The following COMMD1 variants were observed in gnomAD, a reference collection of about 807,000 sequenced individuals.
COMMD1 encodes the protein copper metabolism domain containing 1, also known as COMM domain-containing protein 1.
A neutral mutation model predicts 17.2 loss-of-function variants in COMMD1; 10 were observed. The ratio of observed to expected loss-of-function variants is 0.58; its 90% confidence interval spans 0.36 to 0.99. The LOEUF (loss-of-function observed/expected upper bound fraction) is 0.99, where lower values mean the gene tolerates loss of function less well. Among genes scored for constraint, COMMD1 ranks in the 50% least tolerant of loss-of-function variants. The probability of loss-of-function intolerance (pLI) is 0.01; values close to 1 mark genes in which losing one functional copy is unlikely to be tolerated. For synonymous variants in COMMD1, 97 were observed against 91.6 expected (o/e 1.06, Z -0.34); for missense variants, 270 against 231.8 (o/e 1.17, Z -1.07).
At chr2:61,972,818 T>G (rs904767425) in intron 1 of COMMD1, among the ~76,000 whole-genome samples, 7 of 152,120 alleles carry the variant, frequency 4.6e-5, no homozygotes, top group Non-Finnish European at 1.0e-4. Flanking sequence ...ATTTTTCATC[T>G]TATAAAATTT....
At chr2:62,036,866 T>C (rs1670053991) in intron 2 of COMMD1, among the ~76,000 whole-genome samples, 1 of 152,238 alleles carries the variant, frequency 6.6e-6, no homozygotes, top group Admixed American at 6.5e-5. Context: ...GCTCATACTC[T>C]TGTGGTAGGA....
At chr2:61,891,977 G>A (rs1239366682) in intron 1 of COMMD1, among the ~76,000 whole-genome samples, 1 of 150,918 alleles carries the variant, frequency 6.6e-6, no homozygotes, top group African/African-American at 2.4e-5. Flanking sequence ...GACTACAGGC[G>A]CCCACCACCA....
intron 2 of COMMD1, among the ~76,000 whole-genome samples, chr2:62,086,963 A>T (rs546883755): frequency 6.6e-6 from 1 of 151,814 alleles, no homozygotes; most frequent in African/African-American, 2.4e-5. Flanking sequence ...AGCTGGGATT[A>T]CAAGCATGTG....
chr2:61,917,353 G>A (rs1297224775), intron 1 of COMMD1, among the ~76,000 whole-genome samples: 3 of 146,494 alleles, frequency 2.0e-5, no homozygotes. Flanking sequence ...CCAGACTCCA[G>A]TTTAAAAAAA....
chr2:62,050,527 T>A (rs1670506528), intron 2 of COMMD1, among the ~76,000 whole-genome samples: 1 of 152,212 alleles, frequency 6.6e-6, no homozygotes, highest in Non-Finnish European at 1.5e-5. Context: ...AACATTCTCC[T>A]TTATAGTTTT....
chr2:62,001,032 CAT>C, intron 2 of COMMD1, 50 bp downstream of exon 2: 3 of 1,534,546 alleles, frequency 2.0e-6, no homozygotes, highest in Non-Finnish European at 2.7e-6. Context: ...TTTTTCACTA[CAT>C]GTTAGCTTGT....
At chr2:62,030,619 A>G (rs187113031) in intron 2 of COMMD1, among the ~76,000 whole-genome samples, 11 of 152,318 alleles carry the variant, frequency 7.2e-5, no homozygotes, top group African/African-American at 2.6e-4. Context: ...TTTCTTGGAA[A>G]GAATTCTTCA....
intron 2 of COMMD1, among the ~76,000 whole-genome samples, chr2:62,054,353 C>T (rs564262980): frequency 2.0e-5 from 3 of 152,190 alleles, no homozygotes; most frequent in African/African-American, 7.2e-5. Flanking sequence ...GGTATCTAAC[C>T]GCCAGAAAAG....
intron 2 of COMMD1, among the ~76,000 whole-genome samples, chr2:62,105,917 A>C (rs996374420): frequency 6.6e-6 from 1 of 152,232 alleles, no homozygotes; most frequent in African/African-American, 2.4e-5. Flanking sequence ...ACAATTCAAC[A>C]TGAGATTTGG....
chr2:62,021,018 A>C (rs1056545760), intron 2 of COMMD1, among the ~76,000 whole-genome samples: 2 of 151,682 alleles, frequency 1.3e-5, no homozygotes, highest in Admixed American at 1.3e-4. Context: ...AAAAAAAAAA[A>C]CTCTACTCTT....
intron 2 of COMMD1, among the ~76,000 whole-genome samples, chr2:62,072,381 C>A (rs1671221025): frequency 6.6e-6 from 1 of 152,100 alleles, no homozygotes; most frequent in Non-Finnish European, 1.5e-5. Flanking sequence ...CCATTCTGAG[C>A]CCATAAAAAC....
In COMMD1 at chr2:62,123,534, CAGGA is replaced by C. The variant is rs200053788; in HGVS notation, c.463-12279_463-12276del. On this transcript the variant is annotated intron_variant, in intron 2 of 2. Transcript: ENST00000311832. ...AATTAAAAAAAAAGAAAAAAAAAAA[CAGGA>C]AGGAAGGAAGGAAGGAAAGAAGGAA... Among the ~76,000 whole-genome samples the C allele has an allele frequency of 1.8e-3, 243 of 137,296 alleles. 2 individuals are homozygous for C. Among genetic ancestry groups the C allele is most frequent in the African/African-American group, 1.8e-3 (62 of 35,286 alleles). 90.1% of individuals were successfully genotyped at this position (137,296 alleles called of 152,430 possible).
intron 1 of COMMD1, among the ~76,000 whole-genome samples, chr2:61,894,210 C>T (rs1306115198): frequency 6.6e-6 from 1 of 152,128 alleles, no homozygotes; most frequent in African/African-American, 2.4e-5. Flanking sequence ...ATGGATTCTC[C>T]TGTCTCACTC....
intron 1 of COMMD1, among the ~76,000 whole-genome samples, chr2:61,894,253 G>A (rs969827576): frequency 6.6e-6 from 1 of 152,082 alleles, no homozygotes; most frequent in Non-Finnish European, 1.5e-5. Context: ...ACAGTATCGT[G>A]CAACTACAAC....
At chr2:61,941,809 G>T (rs1013094987) in intron 1 of COMMD1, among the ~76,000 whole-genome samples, 3 of 152,088 alleles carry the variant, frequency 2.0e-5, no homozygotes, top group African/African-American at 7.2e-5. Flanking sequence ...CATTTTTACA[G>T]TCCCTTACTA....
chr2:61,951,221 C>T (rs116592007), intron 1 of COMMD1, among the ~76,000 whole-genome samples: 95 of 152,072 alleles, frequency 6.2e-4, no homozygotes, highest in Non-Finnish European at 1.2e-3. Context: ...CCCAGCACTT[C>T]GGGAGGTGGA....
intron 2 of COMMD1, among the ~76,000 whole-genome samples, chr2:62,063,598 C>T (rs1670936861): frequency 4.6e-5 from 7 of 152,094 alleles, no homozygotes; most frequent in Admixed American, 3.9e-4. Context: ...AGCGTTGCTA[C>T]ATTAACTACT....
intron 1 of COMMD1, among the ~76,000 whole-genome samples, chr2:61,920,981 A>ATATATATATATATTTT (rs749403795): frequency 3.5e-5 from 5 of 141,390 alleles, no homozygotes; most frequent in African/African-American, 1.3e-4. Flanking sequence ...ATATATATAT[A>ATATATATATATATTTT]TTTTTTTTTT....
At chr2:62,109,144 A>G (rs557234204) in intron 2 of COMMD1, among the ~76,000 whole-genome samples, 1 of 152,250 alleles carries the variant, frequency 6.6e-6, no homozygotes, top group African/African-American at 2.4e-5. Flanking sequence ...TTAATTGCTG[A>G]GAGAAGTGAC....
Sources: allele counts gnomAD v4.1 joint callset (sites outside exome capture counted in the v4.1 genomes callset), GRCh38; gene constraint gnomAD v4.1.1; transcripts MANE v1.5; gene names NCBI Gene and HGNC (gene_info 2026-07-23, HGNC 2026-07-21).